The following RALGPS2 variants were observed in gnomAD, a reference collection of about 807,000 sequenced individuals.
RALGPS2 encodes ras-specific guanine nucleotide-releasing factor RalGPS2.
In RALGPS2, 43 loss-of-function variants were observed where a neutral mutation model predicts 86.8. The ratio of observed to expected loss-of-function variants is 0.50; its 90% CI spans 0.39 to 0.64. The LOEUF is 0.64. Among genes scored for constraint, RALGPS2 ranks in the 30% least tolerant of loss-of-function variants. The pLI is 0.00. For missense variants in RALGPS2, 536 were observed against 694.6 expected, an observed-to-expected ratio of 0.77 and a Z score of 2.57; for synonymous variants, 243 against 231.3, an observed-to-expected ratio of 1.05 and a Z score of -0.46.
intron 15 of RALGPS2, 104 bp from the exon 16 acceptor site, chr1:178,893,815 G>T (rs1471995767): frequency 2.7e-6 from 2 of 750,726 alleles, no homozygotes; most frequent in Admixed American, 5.7e-5. Context: ...TCTGAATAAA[G>T]TAACAAACTT....
intron 18 of RALGPS2, 37 bp from the exon 19 acceptor site, chr1:178,906,739 A>C (rs1437326497): frequency 6.5e-7 from 1 of 1,532,490 alleles, no homozygotes; most frequent in South Asian, 1.1e-5. Flanking sequence ...TCGTCCTTAC[A>C]TTTTTAATAT....
chr1:178,848,916 C>A (rs934862394), intron 8 of RALGPS2, among the ~76,000 whole-genome samples: 2 of 152,172 alleles, frequency 1.3e-5, no homozygotes, highest in African/African-American at 4.8e-5. Context: ...AGATGTGAGC[C>A]ACCACGCCTG....
intron 10 of RALGPS2, among the ~76,000 whole-genome samples, chr1:178,882,429 ATAAT>A (rs1659294091): frequency 2.0e-5 from 3 of 152,352 alleles, no homozygotes; most frequent in South Asian, 2.1e-4. Flanking sequence ...TGTAGCCTAA[ATAAT>A]TAAACATCTT....
chr1:178,767,353 T>C (rs544128714), intron 1 of RALGPS2, among the ~76,000 whole-genome samples: 75 of 149,086 alleles, frequency 5.0e-4, no homozygotes, highest in African/African-American at 1.9e-3. Flanking sequence ...GTTGCTGTCC[T>C]TTGGCTTTTT....
rs557872385 is a variant in RALGPS2, at chr1:178,730,979, T to G, written c.-84+5560T>G. Among the ~76,000 whole-genome samples the G allele has an allele frequency of 2.0e-3, 307 of 152,320 alleles. 1 individual carries two copies. The highest frequency in any genetic ancestry group is 7.1e-3 in the African/African-American group (297 of 41,574). On this transcript the variant is annotated intron_variant, in intron 1 of 19. Coordinates refer to ENST00000367635, the MANE Select transcript of RALGPS2 (RefSeq NM_152663.5). ...TCCCAGAGTGCTGGGATTATAGGCG[T>G]GAGCCACTGCGCCTGGCTGATTCTG...
chr1:178,845,026 C>CA (rs1329101844), intron 8 of RALGPS2, among the ~76,000 whole-genome samples: 1 of 145,892 alleles, frequency 6.9e-6, no homozygotes, highest in Non-Finnish European at 1.5e-5. Context: ...CTAAAAAATA[C>CA]AAAAAATTAG....
chr1:178,746,965 T>G, intron 1 of RALGPS2: 1 of 993,600 alleles, frequency 1.0e-6, no homozygotes, highest in Non-Finnish European at 1.6e-6. Context: ...GTAGTCTTCC[T>G]TAGAAAGTTC....
intron 8 of RALGPS2, among the ~76,000 whole-genome samples, chr1:178,848,930 C>T (rs918218168): frequency 6.6e-6 from 1 of 151,942 alleles, no homozygotes; most frequent in African/African-American, 2.4e-5. Context: ...ACGCCTGGCC[C>T]GGATATTGTT....
At chr1:178,819,257 T>C (rs566769434) in intron 6 of RALGPS2, among the ~76,000 whole-genome samples, 1 of 152,258 alleles carries the variant, frequency 6.6e-6, no homozygotes, top group African/African-American at 2.4e-5. Flanking sequence ...CCGCCGGAAG[T>C]GCTGGGATTA....
chr1:178,856,202 G>GAGATATATAT (rs1428022812), intron 8 of RALGPS2, among the ~76,000 whole-genome samples: 17 of 83,896 alleles, frequency 2.0e-4, no homozygotes, highest in African/African-American at 7.1e-4. Context: ...GAGAGAGAGA[G>GAGATATATAT]ATATATATAT....
chr1:178,758,008 A>T (rs1268294657), intron 1 of RALGPS2, among the ~76,000 whole-genome samples: 2 of 152,006 alleles, frequency 1.3e-5, no homozygotes, highest in Non-Finnish European at 2.9e-5. Flanking sequence ...TTTCTAATTC[A>T]ATCTTGGGGG....
chr1:178,741,647 C>T (rs116717776), intron 1 of RALGPS2, among the ~76,000 whole-genome samples: 4,239 of 152,030 alleles, frequency 0.028, 92 homozygotes, highest in Middle Eastern at 0.058. Context: ...CTAACACAAT[C>T]CTGTGAAACA....
At chr1:178,851,921 G>A (rs182479314) in intron 8 of RALGPS2, among the ~76,000 whole-genome samples, 3 of 152,218 alleles carry the variant, frequency 2.0e-5, no homozygotes, top group South Asian at 4.1e-4. Context: ...GTATCAGGAC[G>A]AGAAGAAACC....
chr1:178,901,119 T>A (rs1660155095), intron 17 of RALGPS2, among the ~76,000 whole-genome samples: 1 of 152,086 alleles, frequency 6.6e-6, no homozygotes, highest in African/African-American at 2.4e-5. Context: ...ATGTTCATTC[T>A]TTTTCCCATT....
intron 1 of RALGPS2, among the ~76,000 whole-genome samples, chr1:178,751,772 A>G (rs1202720331): frequency 2.0e-5 from 3 of 152,238 alleles, no homozygotes; most frequent in South Asian, 2.1e-4. Context: ...AAACTAGGTC[A>G]TAAATTTACT....
At chr1:178,900,022 G>A (rs1291739968) in intron 17 of RALGPS2, among the ~76,000 whole-genome samples, 1 of 151,908 alleles carries the variant, frequency 6.6e-6, no homozygotes, top group Non-Finnish European at 1.5e-5. Flanking sequence ...AAAGATACAT[G>A]TTGAAATATT....
rs1314870147 is a variant in RALGPS2, at chr1:178,745,536, A to G, written c.-84+20117A>G. Among the ~76,000 whole-genome samples, 4 of 152,370 alleles carry G rather than the reference A, an allele frequency of 2.6e-5. No individual in the cohort carries two copies. In the East Asian group the frequency reaches 5.8e-4, roughly 22 times the overall value. ...CAGTTCAGCAGAGAAAGGATAGTCT[A>G]TTCAACAAATAATGCTGGCACAAAA... is the stretch of plus-strand genomic sequence containing the variant. On this transcript the variant is annotated intron_variant, in intron 1 of 19. Coordinates refer to ENST00000367635, the MANE Select transcript of RALGPS2 (RefSeq NM_152663.5).
chr1:178,750,241 G>A (rs927727435), intron 1 of RALGPS2, among the ~76,000 whole-genome samples: 5 of 152,248 alleles, frequency 3.3e-5, no homozygotes, highest in Admixed American at 6.5e-5. Flanking sequence ...GGCCATGCAA[G>A]TCTCTGTTGC....
At chr1:178,910,887 A>G (rs1306074330) in intron 19 of RALGPS2, among the ~76,000 whole-genome samples, 1 of 152,082 alleles carries the variant, frequency 6.6e-6, no homozygotes, top group Non-Finnish European at 1.5e-5. Flanking sequence ...AAATCCACCT[A>G]TTTCAAGGCT....
Sources: allele counts gnomAD v4.1 joint callset (sites outside exome capture counted in the v4.1 genomes callset), GRCh38; gene constraint gnomAD v4.1.1; transcripts MANE v1.5; gene names NCBI Gene and HGNC (gene_info 2026-07-23, HGNC 2026-07-21).